Variants in FUT8 observed in about 807,000 individuals in gnomAD.
FUT8 encodes the protein fucosyltransferase 8.
In FUT8, 29 loss-of-function variants were observed where a neutral mutation model predicts 71.3. The ratio of observed to expected loss-of-function variants is 0.41; its 90% CI spans 0.30 to 0.55. FUT8 has a LOEUF of 0.55. FUT8 is among the 20% of genes least tolerant of loss of function. The probability of loss-of-function intolerance (pLI) is 0.34; values close to 1 mark genes in which losing one functional copy is unlikely to be tolerated. For missense variants in FUT8, 544 were observed against 702.1 expected, an observed-to-expected ratio of 0.77 and a Z score of 2.55; for synonymous variants, 254 against 239.3, an observed-to-expected ratio of 1.06 and a Z score of -0.57.
At position 65,554,433 on chromosome 14, in the gene FUT8, T is replaced by TTATATA. The variant is rs34853473; in HGVS notation, c.-227-6896_-227-6891dup. On this transcript the variant is annotated intron_variant, in intron 2 of 10. Transcript: ENST00000673929. ...TTTTAACTATATATCTATATATATATTATATATATATATTTATATCTATAG... is the reference window on the plus strand; with the variant it reads ...TTTTAACTATATATCTATATATATATTATATATATATATATATATTTATATCTATAG... Among the ~76,000 whole-genome samples, 130 of 143,486 alleles carry TTATATA rather than the reference T, an allele frequency of 9.1e-4. No individual in the cohort carries two copies. The East Asian group carries it at 0.012, about 13-fold the overall frequency. The allele number at this position is 143,486 out of a possible 152,430, so 94.1% of individuals were successfully genotyped here. A position where few individuals can be genotyped will look rare whatever the true frequency, so the allele number is the denominator to read the frequency against.
intron 2 of FUT8, among the ~76,000 whole-genome samples, chr14:65,518,556 C>T (rs1166758955): frequency 1.3e-5 from 2 of 152,246 alleles, no homozygotes; most frequent in South Asian, 2.1e-4. Context: ...GAGACAGTCT[C>T]ACTCTGTCGC....
the FUT8 span, among the ~76,000 whole-genome samples, chr14:65,363,755 C>T: frequency 6.6e-6 from 1 of 152,164 alleles, no homozygotes; most frequent in Admixed American, 6.5e-5. Flanking sequence ...CTCATTTCTC[C>T]ACCACTCCCC....
At chr14:65,698,610 G>A (rs528290451) in intron 7 of FUT8, among the ~76,000 whole-genome samples, 2 of 152,218 alleles carry the variant, frequency 1.3e-5, no homozygotes, top group South Asian at 4.1e-4. Context: ...TAATATTAAC[G>A]TTTTGCATCG....
rs967491039 is a variant in FUT8, at chr14:65,652,087, G to A, written c.598-17156G>A. Among the ~76,000 whole-genome samples the A allele has an allele frequency of 2.0e-5, 3 of 152,134 alleles. No homozygotes were observed. The highest frequency in any genetic ancestry group is 7.2e-5 in the African/African-American group (3 of 41,430). ...GGATGGCTGGCAACCACCAGAAGCC[G>A]GGAGAGAGACATGGAACAACTTCTT... is the stretch of plus-strand genomic sequence containing the variant. On this transcript the variant is annotated intron_variant, in intron 6 of 10. Coordinates refer to ENST00000673929, the MANE Select transcript of FUT8 (RefSeq NM_001371533.1). This position sits in a 1 kb window ranked among gnomAD's most constrained non-coding sequence, Gnocchi z 4.0.
chr14:65,447,035 T>A (rs537430422), intron 1 of FUT8, among the ~76,000 whole-genome samples: 7 of 152,310 alleles, frequency 4.6e-5, no homozygotes, highest in South Asian at 2.1e-4. Context: ...TCAGCTCTTA[T>A]AATCTGAAAA....
chr14:65,441,086 T>G (rs1342639841), intron 1 of FUT8, among the ~76,000 whole-genome samples: 2 of 152,134 alleles, frequency 1.3e-5, no homozygotes, highest in Non-Finnish European at 2.9e-5. Flanking sequence ...TTACACAGAT[T>G]TTTTTTAGTA....
rs1374724402 is a variant in FUT8, at chr14:65,455,643, C to T, written c.-303C>T. On this transcript the variant is annotated 5_prime_UTR_variant, in exon 2 of 11. Transcript: ENST00000673929. ...CAGGTTGCTGCTTTTGCTCAGAGGA[C>T]ATCCATGACCCTAATGGTCTTTTTG... 5.0e-6 allele frequency: 2 copies of T among 398,206 alleles called. No individual in the cohort carries two copies. Among genetic ancestry groups the T allele is most frequent in the Admixed American group, 4.4e-5 (1 of 22,708 alleles). The allele number at this position is 398,206 out of a possible 1,614,324, so 24.7% of individuals were successfully genotyped here. A position where few individuals can be genotyped will look rare whatever the true frequency, so the allele number is the denominator to read the frequency against.
upstream of FUT8, among the ~76,000 whole-genome samples, chr14:65,408,726 C>T (rs1191785119): frequency 6.6e-6 from 1 of 152,200 alleles, no homozygotes; most frequent in African/African-American, 2.4e-5. Flanking sequence ...CTAGTTTCAT[C>T]AGTCTTTAAA....
At chr14:65,691,597 C>CTTTA (rs371503595) in intron 7 of FUT8, among the ~76,000 whole-genome samples, 4,829 of 151,540 alleles carry the variant, frequency 0.032, 120 homozygotes, top group African/African-American at 0.074. Context: ...GTGTATAATT[C>CTTTA]TTTATTTATT....
intron 1 of FUT8, among the ~76,000 whole-genome samples, chr14:65,452,899 C>T (rs894061425): frequency 3.9e-5 from 6 of 152,168 alleles, no homozygotes; most frequent in African/African-American, 1.4e-4. Context: ...AACCTTTCTT[C>T]TGGCTTTTAG....
intron 5 of FUT8, among the ~76,000 whole-genome samples, chr14:65,620,400 A>G (rs978607385): frequency 2.6e-5 from 4 of 152,190 alleles, no homozygotes; most frequent in Non-Finnish European, 5.9e-5. Flanking sequence ...AATGATACTT[A>G]TGTTAATTAT....
rs1258062438 is a variant in FUT8 at position 65,557,740 on chromosome 14, G to T, written c.-227-3597G>T. 1.3e-5 allele frequency among the ~76,000 whole-genome samples: 2 copies of T among 151,880 alleles called. 1 individual carries two copies. Among genetic ancestry groups the T allele is most frequent in the East Asian group, 3.9e-4 (2 of 5,184 alleles). On this transcript the variant is annotated intron_variant, in intron 2 of 10. Coordinates refer to ENST00000673929, the MANE Select transcript of FUT8 (RefSeq NM_001371533.1). ...AGTATATTTAGTATTTTGCAGAAGG[G>T]TACTTTGTGAGTCTTAAGTAGTAAT...
At chr14:65,430,012 C>CT (rs918699376) in intron 1 of FUT8, among the ~76,000 whole-genome samples, 1 of 124,152 alleles carries the variant, frequency 8.1e-6, no homozygotes, top group Non-Finnish European at 1.6e-5. Context: ...TTGCAAGAAT[C>CT]TTTTTTTGTT....
chr14:65,735,090 C>G (rs553954248), intron 10 of FUT8, among the ~76,000 whole-genome samples: 2 of 152,242 alleles, frequency 1.3e-5, no homozygotes, highest in Admixed American at 1.3e-4. Context: ...TAAATGTTTA[C>G]CAACCTCACA....
intron 6 of FUT8, among the ~76,000 whole-genome samples, chr14:65,634,561 TAAAAA>T (rs35052434): frequency 1.3e-4 from 16 of 124,018 alleles, no homozygotes; most frequent in South Asian, 5.5e-4. Flanking sequence ...AATGATCAAT[TAAAAA>T]AAAAAAAAAA....
At chr14:65,715,103 T>A (rs1465151296) in intron 7 of FUT8, among the ~76,000 whole-genome samples, 1 of 152,210 alleles carries the variant, frequency 6.6e-6, no homozygotes, top group Admixed American at 6.5e-5. Context: ...AGCTAGAACT[T>A]CCAGTACTGT....
At chr14:65,712,243 C>T (rs1350522469) in intron 7 of FUT8, among the ~76,000 whole-genome samples, 3 of 152,160 alleles carry the variant, frequency 2.0e-5, no homozygotes, top group South Asian at 2.1e-4. Flanking sequence ...CTGGCTATCA[C>T]ATTTTGGATT....
the FUT8 span, among the ~76,000 whole-genome samples, chr14:65,375,565 G>A: frequency 6.6e-6 from 1 of 152,062 alleles, no homozygotes; most frequent in Non-Finnish European, 1.5e-5. Flanking sequence ...AGGCTGCAGT[G>A]AGCCACGGTC....
At chr14:65,581,266 C>T (rs1459435981) in intron 3 of FUT8, among the ~76,000 whole-genome samples, 1 of 152,026 alleles carries the variant, frequency 6.6e-6, no homozygotes. Context: ...AACCACTGTC[C>T]TAAAGTACAA....
Sources: gnomAD v4.1 joint callset for allele counts (sites outside exome capture counted in the v4.1 genomes callset) on GRCh38, gnomAD v4.1.1 for gene constraint, Gnocchi (gnomAD v3.1) non-coding constraint, MANE v1.5 for transcripts, NCBI Gene and HGNC (gene_info 2026-07-23, HGNC 2026-07-21) for gene names.